The following FGF14 variants were observed in gnomAD, a reference collection of about 807,000 sequenced individuals.
FGF14 encodes fibroblast growth factor 14.
In FGF14, 5 loss-of-function variants were observed where a neutral mutation model predicts 25.5. The ratio of observed to expected loss-of-function variants is 0.20; its 90% CI spans 0.10 to 0.41. The LOEUF is 0.41. FGF14 is among the 10% of genes least tolerant of loss of function. The pLI is 1.00. For missense variants in FGF14, 222 were observed against 320.1 expected (o/e 0.69, Z 2.34); for synonymous variants, 138 against 118.3 (o/e 1.17, Z -1.08).
Position 101,720,910 on chromosome 13 carries a change from T to TAAAC in FGF14, c.*1917_*1920dup, listed in dbSNP as rs767840771. On this transcript the variant is annotated 3_prime_UTR_variant, in exon 5 of 5. Transcript: ENST00000376143. Reference sequence around the variant, plus strand: ...ATCCAATATGAAAATGAAATAAGCATAAACAAACAGTTAAATTTCTACTAA... The same window carrying TAAAC: ...ATCCAATATGAAAATGAAATAAGCATAAACAAACAAACAGTTAAATTTCTACTAA... 31 of 152,258 alleles carry TAAAC rather than the reference T, an allele frequency of 2.0e-4. 1 individual carries two copies. Among genetic ancestry groups the TAAAC allele is most frequent in the African/African-American group, 4.6e-4 (19 of 41,566 alleles). 9.4% of individuals were successfully genotyped at this position (152,258 alleles called of 1,614,324 possible). A position where few individuals can be genotyped will look rare whatever the true frequency, so the allele number is the denominator to read the frequency against.
At chr13:102,285,870 A>T (rs932534174) in intron 1 of FGF14, among the ~76,000 whole-genome samples, 1 of 152,240 alleles carries the variant, frequency 6.6e-6, no homozygotes, top group African/African-American at 2.4e-5. Flanking sequence ...GTCAAGGCTG[A>T]TACTTCAAGG....
chr13:101,876,444 A>G (rs1403497799), intron 1 of FGF14, among the ~76,000 whole-genome samples: 19 of 152,182 alleles, frequency 1.2e-4, no homozygotes. Context: ...GAAGACAAAA[A>G]AATTTTTTTG....
chr13:102,356,943 A>G (rs2057433629), intron 1 of FGF14, among the ~76,000 whole-genome samples: 1 of 150,136 alleles, frequency 6.7e-6, no homozygotes, highest in Non-Finnish European at 1.5e-5. Flanking sequence ...ATATATATAT[A>G]TATATACACA....
rs2034557496 is a variant in FGF14, at chr13:101,713,215, A to G, written c.*9616T>C. The G allele has an allele frequency of 6.6e-6, 1 of 152,208 alleles. No homozygotes were observed. Among genetic ancestry groups the G allele is most frequent in the African/African-American group, 2.4e-5 (1 of 41,474 alleles). 9.4% of individuals were successfully genotyped at this position (152,208 alleles called of 1,614,324 possible). On this transcript the variant is annotated 3_prime_UTR_variant, in exon 5 of 5. Coordinates refer to ENST00000376143, the MANE Select transcript of FGF14 (RefSeq NM_004115.4). ...ATGAAATATCACATAGTTGAGACAC[A>G]TGAACCTGAATCCTTTCATGATATC...
At chr13:102,036,373 CAGTT>C (rs1189229498) in intron 1 of FGF14, among the ~76,000 whole-genome samples, 2 of 152,116 alleles carry the variant, frequency 1.3e-5, no homozygotes, top group Non-Finnish European at 2.9e-5. Context: ...GTTCACATGA[CAGTT>C]AGACGCAGAA....
intron 1 of FGF14, among the ~76,000 whole-genome samples, chr13:102,158,584 T>C (rs142507441): frequency 0.052 from 7,877 of 151,172 alleles, 433 homozygotes; most frequent in East Asian, 0.2. Context: ...GATGAGTTAA[T>C]GGGTGCAGCA....
At chr13:102,156,461 C>A (rs1401105074) in intron 1 of FGF14, among the ~76,000 whole-genome samples, 2 of 152,174 alleles carry the variant, frequency 1.3e-5, no homozygotes, top group South Asian at 2.1e-4. Context: ...AATTCAACAG[C>A]CCTTCATGCT....
intron 1 of FGF14, chr13:102,263,344 A>G: frequency 3.8e-6 from 1 of 261,132 alleles, no homozygotes; most frequent in East Asian, 1.1e-4. Flanking sequence ...TGGAGTAGTG[A>G]GCAGTGAAAA....
At chr13:101,767,361 C>CT (rs1354975816) in intron 3 of FGF14, among the ~76,000 whole-genome samples, 1 of 152,100 alleles carries the variant, frequency 6.6e-6, no homozygotes, top group East Asian at 1.9e-4. Flanking sequence ...CGAGATCATT[C>CT]TTTTTTTAAA....
chr13:102,306,053 G>A (rs904713815), intron 1 of FGF14, among the ~76,000 whole-genome samples: 1 of 152,154 alleles, frequency 6.6e-6, no homozygotes, highest in African/African-American at 2.4e-5. Flanking sequence ...AACTCATTTT[G>A]TCGGAGAGGT....
intron 1 of FGF14, chr13:102,292,586 T>C (rs1448646179): frequency 2.0e-5 from 3 of 152,240 alleles, no homozygotes; most frequent in South Asian, 2.1e-4. Flanking sequence ...TTCAGGGTTT[T>C]GGGTAAGCCT....
chr13:102,330,625 G>T (rs927873761), intron 1 of FGF14, among the ~76,000 whole-genome samples: 2 of 151,752 alleles, frequency 1.3e-5, no homozygotes, highest in African/African-American at 2.4e-5. Flanking sequence ...TTTCAATCCC[G>T]CCCCACTCCC....
chr13:102,400,074 C>T lies in FGF14; in HGVS notation c.208+1397G>A, dbSNP rs2058668070. Among the ~76,000 whole-genome samples, 2 of 151,852 alleles carry T rather than the reference C, an allele frequency of 1.3e-5. No homozygotes were observed. On this transcript the variant is annotated intron_variant, in intron 1 of 4. Coordinates refer to the FGF14 transcript ENST00000376131. The surrounding 1 kb of genome is among the most constrained non-coding windows in gnomAD (Gnocchi z 4.3). ...CCCCGCCCACCCGCACCTCCTCCTCCTCTGCCTCGCGCTGCACCCGCAGGC... is the reference window on the plus strand; with the variant it reads ...CCCCGCCCACCCGCACCTCCTCCTCTTCTGCCTCGCGCTGCACCCGCAGGC...
At chr13:102,089,330 C>T (rs2044066973) in intron 1 of FGF14, among the ~76,000 whole-genome samples, 1 of 152,154 alleles carries the variant, frequency 6.6e-6, no homozygotes, top group South Asian at 2.1e-4. Context: ...GAAGAGGGCA[C>T]TGGCAGGTAT....
intron 1 of FGF14, among the ~76,000 whole-genome samples, chr13:102,276,550 T>G (rs561640831): frequency 1.3e-5 from 2 of 152,050 alleles, no homozygotes; most frequent in South Asian, 4.1e-4. Flanking sequence ...GTTTGTTCAC[T>G]GTCAGTTCAA....
At chr13:101,939,313 G>A (rs965256076) in intron 1 of FGF14, among the ~76,000 whole-genome samples, 15 of 152,078 alleles carry the variant, frequency 9.9e-5, no homozygotes, top group African/African-American at 2.7e-4. Context: ...CTAAAAATAC[G>A]TTTAAAGTTA....
intron 1 of FGF14, among the ~76,000 whole-genome samples, chr13:102,022,763 AGAG>A (rs2040725178): frequency 6.6e-6 from 1 of 152,148 alleles, no homozygotes; most frequent in South Asian, 2.1e-4. Flanking sequence ...ACTATAAAAA[AGAG>A]AATATCTTTG....
At chr13:102,194,240 T>TTAAAATG (rs2049248527) in intron 1 of FGF14, among the ~76,000 whole-genome samples, 1 of 152,176 alleles carries the variant, frequency 6.6e-6, no homozygotes, top group Non-Finnish European at 1.5e-5. Context: ...TAAATACACA[T>TTAAAATG]TAAAATGTAT....
At chr13:101,865,764 C>G (rs950600048) in intron 3 of FGF14, among the ~76,000 whole-genome samples, 6 of 152,112 alleles carry the variant, frequency 3.9e-5, no homozygotes, top group African/African-American at 7.2e-5. Flanking sequence ...TACCAGAATT[C>G]AAATTAGATG....
Sources: allele counts gnomAD v4.1 joint callset (sites outside exome capture counted in the v4.1 genomes callset), GRCh38; gene constraint gnomAD v4.1.1; non-coding constraint Gnocchi (gnomAD v3.1); transcripts MANE v1.5; gene names NCBI Gene and HGNC (gene_info 2026-07-23, HGNC 2026-07-21).